The following PTPN4 variants were observed in gnomAD, a reference collection of about 807,000 sequenced individuals.
PTPN4 encodes the protein protein tyrosine phosphatase non-receptor type 4, also known as tyrosine-protein phosphatase non-receptor type 4.
In PTPN4, 49 loss-of-function variants were observed where a neutral mutation model predicts 135.5. That is an observed-to-expected ratio of 0.36 (90% CI 0.29 to 0.46). The LOEUF (loss-of-function observed/expected upper bound fraction) is 0.46. PTPN4 is among the 20% of genes least tolerant of loss of function. The probability of loss-of-function intolerance (pLI) is 1.00; values close to 1 mark genes in which losing one functional copy is unlikely to be tolerated. For missense variants in PTPN4, 860 were observed against 1,101.0 expected (o/e 0.78, Z 3.10); for synonymous variants, 333 against 369.9 (o/e 0.90, Z 1.14).
intron 3 of PTPN4, among the ~76,000 whole-genome samples, chr2:119,875,076 C>T (rs915678161): frequency 2.0e-5 from 3 of 152,232 alleles, no homozygotes; most frequent in Admixed American, 1.3e-4. Flanking sequence ...TGTGAACTTG[C>T]ATTCTTATTC....
At position 119,934,818 on chromosome 2, in the gene PTPN4, G is replaced by A. The variant is rs142912227; in HGVS notation, c.1215G>A (p.Thr405=). 4.2e-5 allele frequency: 68 copies of A among 1,613,572 alleles called. No individual in the cohort carries two copies. The highest frequency in any genetic ancestry group is 6.7e-5 in the African/African-American group (5 of 74,838). ...GTPNHRNSTF[T]QEGTRLRPSS... ...TATTTAGTCGAAATTCTACATTCAC[G>A]CAGGAAGGAACCCGGTTACGACCAT... Residue 405 remains threonine, a synonymous_variant, in exon 15 of 27, where the codon ACG becomes ACA. Coordinates refer to ENST00000263708, the MANE Select transcript of PTPN4 (RefSeq NM_002830.4).
chr2:119,773,463 C>T (rs1365208197), intron 1 of PTPN4, among the ~76,000 whole-genome samples: 2 of 151,962 alleles, frequency 1.3e-5, no homozygotes, highest in Non-Finnish European at 2.9e-5. Context: ...ACTGGCTGGG[C>T]GCGGTGGCTC....
At chr2:119,811,559 T>C in intron 2 of PTPN4, among the ~76,000 whole-genome samples, 1 of 152,216 alleles carries the variant, frequency 6.6e-6, no homozygotes, top group East Asian at 1.9e-4. Context: ...TACAAATTTC[T>C]ATTTAATAGA....
At chr2:119,908,906 TA>T in intron 10 of PTPN4, among the ~76,000 whole-genome samples, 1 of 152,274 alleles carries the variant, frequency 6.6e-6, no homozygotes, top group East Asian at 1.9e-4. Flanking sequence ...GAGAGTATCT[TA>T]GTGGTGTGGA....
intron 10 of PTPN4, among the ~76,000 whole-genome samples, chr2:119,902,426 A>G (rs1376080635): frequency 2.0e-5 from 3 of 152,248 alleles, no homozygotes; most frequent in African/African-American, 7.2e-5. Flanking sequence ...AGAAATGTTA[A>G]AAGAAGTTCT....
chr2:119,867,127 T>G (rs1677844499), intron 3 of PTPN4, among the ~76,000 whole-genome samples: 1 of 152,096 alleles, frequency 6.6e-6, no homozygotes, highest in Admixed American at 6.6e-5. Flanking sequence ...GGAGAAGGGG[T>G]AAAAGATGAG....
chr2:119,827,332 A>C (rs1004078737), intron 2 of PTPN4, among the ~76,000 whole-genome samples: 1 of 152,224 alleles, frequency 6.6e-6, no homozygotes, highest in Admixed American at 6.5e-5. Flanking sequence ...AGAATGTTTC[A>C]AAGTACTAAC....
At chr2:119,921,414 A>G (rs1678735273) in intron 12 of PTPN4, among the ~76,000 whole-genome samples, 1 of 152,360 alleles carries the variant, frequency 6.6e-6, no homozygotes. Flanking sequence ...CTAAACATGT[A>G]TAATTGCCTA....
chr2:119,862,111 A>G (rs1346925066), intron 2 of PTPN4, among the ~76,000 whole-genome samples: 3 of 152,252 alleles, frequency 2.0e-5, no homozygotes, highest in Non-Finnish European at 1.5e-5. Context: ...TAATGTGGCA[A>G]TAATATAAAC....
rs903694464 is a variant in PTPN4, at chr2:119,812,769, A to G, written c.138+2778A>G. On this transcript the variant is annotated intron_variant, in intron 2 of 26. Coordinates refer to ENST00000263708, the MANE Select transcript of PTPN4 (RefSeq NM_002830.4). ...AATTCATCTCACCAAATATGTTTGC[A>G]TTAACAACTCACTAAATATGTTTGC... Among the ~76,000 whole-genome samples the G allele has an allele frequency of 4.6e-5, 7 of 152,208 alleles. No individual in the cohort carries two copies. In the South Asian group the frequency reaches 1.0e-3, roughly 22 times the overall value.
intron 1 of PTPN4, among the ~76,000 whole-genome samples, chr2:119,807,439 A>G (rs1020500992): frequency 1.3e-5 from 2 of 152,344 alleles, no homozygotes; most frequent in East Asian, 1.9e-4. Context: ...TCAGAGTACT[A>G]TAAACACCTC....
Position 119,955,243 on chromosome 2 carries a change from C to G in PTPN4, c.1900C>G (p.Gln634Glu), listed in dbSNP as rs1679263345. The G allele has an allele frequency of 6.2e-7, 1 of 1,613,434 alleles. No homozygotes were observed. Among genetic ancestry groups the G allele is most frequent in the African/African-American group, 1.3e-5 (1 of 74,910 alleles). The part of the protein sequence containing the change: ...PEKAPLDSVH[Q>E]DDHSLRESMI... The stretch of plus-strand genomic sequence containing the variant: ...GAAAGCCCCACTAGATAGTGTGCAT[C>G]AGGATGACCATTCCCTGCGGGAGTC... Residue 634 changes from glutamine (Q) to glutamate (E), a missense_variant, in exon 20 of 27, where the codon CAG (glutamine) becomes GAG (glutamate). Transcript: ENST00000263708.
intron 12 of PTPN4, among the ~76,000 whole-genome samples, chr2:119,923,889 G>A (rs1398538759): frequency 6.6e-6 from 1 of 152,080 alleles, no homozygotes; most frequent in African/African-American, 2.4e-5. Context: ...TGTAATCCCA[G>A]CACTTTGGGA....
At chr2:119,865,811 T>G (rs959030022) in intron 3 of PTPN4, among the ~76,000 whole-genome samples, 17 of 152,150 alleles carry the variant, frequency 1.1e-4, no homozygotes, top group Non-Finnish European at 2.1e-4. Flanking sequence ...GAATTAGAAC[T>G]GTTGCCTTAG....
chr2:119,842,096 A>G (rs535005270), intron 2 of PTPN4, among the ~76,000 whole-genome samples: 1 of 152,220 alleles, frequency 6.6e-6, no homozygotes, highest in Non-Finnish European at 1.5e-5. Context: ...GTAGATTTTA[A>G]TCTGTTATGC....
At chr2:119,830,960 G>T (rs1269165609) in intron 2 of PTPN4, among the ~76,000 whole-genome samples, 1 of 152,116 alleles carries the variant, frequency 6.6e-6, no homozygotes, top group Non-Finnish European at 1.5e-5. Flanking sequence ...GTATTTCTTT[G>T]TAGCAATATG....
rs1679715047 is a variant in PTPN4, at chr2:119,982,860, C to T, written c.*5790C>T. The T allele has an allele frequency of 6.6e-6, 1 of 152,086 alleles. No homozygotes were observed. Among genetic ancestry groups the T allele is most frequent in the South Asian group, 2.1e-4 (1 of 4,828 alleles). 9.4% of individuals were successfully genotyped at this position (152,086 alleles called of 1,614,324 possible). A position where few individuals can be genotyped will look rare whatever the true frequency, so the allele number is the denominator to read the frequency against. On this transcript the variant is annotated 3_prime_UTR_variant, in exon 27 of 27. Coordinates refer to ENST00000263708, the MANE Select transcript of PTPN4 (RefSeq NM_002830.4). ...TCTTGGACAGTTGAGACAACTTGGCCCAACTCTGAATTGTAGCAGTGATGT... is the reference window on the plus strand; with the variant it reads ...TCTTGGACAGTTGAGACAACTTGGCTCAACTCTGAATTGTAGCAGTGATGT...
At chr2:119,838,637 T>A (rs1183914730) in intron 2 of PTPN4, among the ~76,000 whole-genome samples, 1 of 152,194 alleles carries the variant, frequency 6.6e-6, no homozygotes, top group Non-Finnish European at 1.5e-5. Flanking sequence ...CTCTTCATCT[T>A]TAGAGAAACA....
At chr2:119,909,366 C>T (rs752228412) in intron 10 of PTPN4, among the ~76,000 whole-genome samples, 3 of 152,114 alleles carry the variant, frequency 2.0e-5, no homozygotes, top group African/African-American at 7.2e-5. Context: ...AGAAATGGAA[C>T]GTCAAAGCCT....
Sources: allele counts gnomAD v4.1 joint callset (sites outside exome capture counted in the v4.1 genomes callset), GRCh38; gene constraint gnomAD v4.1.1; transcripts MANE v1.5; gene names NCBI Gene and HGNC (gene_info 2026-07-23, HGNC 2026-07-21).